The following FGF18 variants were observed in gnomAD, a reference collection of about 807,000 sequenced individuals.
FGF18 encodes the protein fibroblast growth factor 18.
In FGF18, 5 loss-of-function variants were observed where a neutral mutation model predicts 23.0. The observed-to-expected ratio is 0.22, with a 90% CI of 0.11 to 0.46. The LOEUF is 0.46. FGF18 is among the 20% of genes least tolerant of loss of function. The pLI, the probability that FGF18 is intolerant of heterozygous loss-of-function variation, is 0.99. For synonymous variants in FGF18, 117 were observed against 118.9 expected (o/e 0.98, Z 0.10); for missense variants, 180 against 291.6 (o/e 0.62, Z 2.79).
At chr5:171,452,898 G>A (rs759064418) in intron 4 of FGF18, among the ~76,000 whole-genome samples, 11 of 152,112 alleles carry the variant, frequency 7.2e-5, no homozygotes, top group Non-Finnish European at 1.5e-4. Context: ...ACAGTCCAGG[G>A]GGTAGTTCTA....
chr5:171,445,539 T>C (rs1045169107), intron 3 of FGF18, among the ~76,000 whole-genome samples: 5 of 151,768 alleles, frequency 3.3e-5, no homozygotes, highest in Admixed American at 1.3e-4. Flanking sequence ...TTGTGGTTTT[T>C]TTTTTTAGTA....
At position 171,449,252 on chromosome 5, in the gene FGF18, A is replaced by T; in HGVS notation, c.356A>T (p.Lys119Met). Residue 119 changes from lysine to methionine, a missense_variant and splice_region_variant, in exon 4 of 5, where the codon AAG becomes ATG. By Grantham distance (95) the Lys-to-Met change is moderately conservative. Around this residue, in one of 3 missense-constraint regions of FGF18, gnomAD observed 83 missense variants for 190.4 expected, o/e 0.44. Coordinates refer to ENST00000274625, the MANE Select transcript of FGF18 (RefSeq NM_003862.3). ...AACCGCAAAGGCAAGCTCGTGGGGA[A>T]GGTGAGTGATGGTTTGGGATTCCCG... ...CMNRKGKLVG[K>M]PDGTSKECVF... is the part of the protein sequence containing the mutation. 1 of 1,612,028 alleles carries T rather than the reference A, an allele frequency of 6.2e-7. No homozygotes were observed. Among genetic ancestry groups the T allele is most frequent in the Non-Finnish European group, 8.5e-7 (1 of 1,178,176 alleles).
At chr5:171,425,525 TGTGC>T (rs1772076859) in intron 2 of FGF18, among the ~76,000 whole-genome samples, 1 of 123,844 alleles carries the variant, frequency 8.1e-6, no homozygotes, top group African/African-American at 3.1e-5. Context: ...CTGGCCGCCA[TGTGC>T]TTTTTTTTTT....
At chr5:171,420,361 C>T (rs1334039736) in intron 1 of FGF18, 46 bp from the exon 2 acceptor site, 1 of 1,611,316 alleles carries the variant, frequency 6.2e-7, no homozygotes. Context: ...TCCGTGCGCC[C>T]CCTTCCTCAG....
rs147527414 is a variant in FGF18, at chr5:171,455,023, A to G, written c.358-1516A>G. 2.4e-4 allele frequency among the ~76,000 whole-genome samples: 36 copies of G among 152,332 alleles called. No homozygotes were observed. In the East Asian group the frequency reaches 6.0e-3, roughly 25 times the overall value. ...CAAGCTCCTACTGTGTGTCAGATTCATTTATAAGCATCACTCCTACAGTGT... is the reference window on the plus strand; with the variant it reads ...CAAGCTCCTACTGTGTGTCAGATTCGTTTATAAGCATCACTCCTACAGTGT... On this transcript the variant is annotated intron_variant, in intron 4 of 4. Transcript: ENST00000274625.
At chr5:171,445,534 GT>G (rs140690032) in intron 3 of FGF18, among the ~76,000 whole-genome samples, 30 of 146,564 alleles carry the variant, frequency 2.0e-4, no homozygotes, top group East Asian at 1.8e-3. Context: ...AATTTTTGTG[GT>G]TTTTTTTTTT....
chr5:171,423,265 TCTC>T (rs1772044011), intron 2 of FGF18, among the ~76,000 whole-genome samples: 1 of 152,138 alleles, frequency 6.6e-6, no homozygotes, highest in Non-Finnish European at 1.5e-5. Flanking sequence ...CTTCATCCCT[TCTC>T]CACACGACTC....
At chr5:171,449,359 C>CGGTGTG (rs1772459789) in intron 4 of FGF18, 106 bp downstream of exon 4, 1 of 246,434 alleles carries the variant, frequency 4.1e-6, no homozygotes, top group Non-Finnish European at 7.8e-6. Flanking sequence ...GGAAAACAGG[C>CGGTGTG]CGTGTGTGTG....
intron 3 of FGF18, among the ~76,000 whole-genome samples, chr5:171,441,004 A>G (rs1772334160): frequency 6.6e-6 from 1 of 152,206 alleles, no homozygotes; most frequent in Admixed American, 6.5e-5. Flanking sequence ...GCCCCTTTAA[A>G]TGTGGCTAGA....
At chr5:171,437,597 C>T (rs550561726) in intron 3 of FGF18, among the ~76,000 whole-genome samples, 18 of 152,200 alleles carry the variant, frequency 1.2e-4, no homozygotes, top group African/African-American at 2.9e-4. Flanking sequence ...CTCCCTCCTT[C>T]GGACCACAGC....
In FGF18 at chr5:171,440,549, A is replaced by G. The variant is rs892073981; in HGVS notation, c.250+4276A>G. On this transcript the variant is annotated intron_variant, in intron 3 of 4. Coordinates refer to ENST00000274625, the MANE Select transcript of FGF18 (RefSeq NM_003862.3). This position sits in a 1 kb window ranked among gnomAD's most constrained non-coding sequence, Gnocchi z 4.0. ...GTGACATGCCTCGTCCCAGCCATCA[A>G]AGAGCCTTCAGTCTAGGGCCCCCAT... Among the ~76,000 whole-genome samples, 1 of 152,106 alleles carries G rather than the reference A, an allele frequency of 6.6e-6. No homozygotes were observed. The highest frequency in any genetic ancestry group is 6.5e-5 in the Admixed American group (1 of 15,270).
intron 3 of FGF18, among the ~76,000 whole-genome samples, chr5:171,445,435 T>G (rs1772404807): frequency 6.6e-6 from 1 of 152,176 alleles, no homozygotes; most frequent in African/African-American, 2.4e-5. Flanking sequence ...CTCGGCTCAC[T>G]GCAAACTCTG....
chr5:171,448,702 G>A (rs561208142), intron 3 of FGF18, among the ~76,000 whole-genome samples: 1 of 152,070 alleles, frequency 6.6e-6, no homozygotes, highest in Non-Finnish European at 1.5e-5. Context: ...TGGGAGAATG[G>A]CCTTTTTGTA....
chr5:171,430,806 AAAAAAAAAAAG>A (rs1772170939), intron 2 of FGF18, among the ~76,000 whole-genome samples: 2 of 141,292 alleles, frequency 1.4e-5, no homozygotes, highest in Non-Finnish European at 3.1e-5. Context: ...AAAAAAAAAA[AAAAAAAAAAAG>A]AAAAAAGAGT....
At chr5:171,453,676 G>T (rs1375634922) in intron 4 of FGF18, among the ~76,000 whole-genome samples, 2 of 152,202 alleles carry the variant, frequency 1.3e-5, no homozygotes, top group Non-Finnish European at 2.9e-5. Flanking sequence ...AGAAGAGGAT[G>T]AAATGCAGTA....
At chr5:171,431,816 T>A (rs530646436) in intron 2 of FGF18, among the ~76,000 whole-genome samples, 2 of 152,208 alleles carry the variant, frequency 1.3e-5, no homozygotes, top group South Asian at 2.1e-4. Flanking sequence ...CCCAGCACTT[T>A]GGGAGGCCGA....
intron 2 of FGF18, among the ~76,000 whole-genome samples, chr5:171,426,251 C>T (rs554939343): frequency 4.6e-5 from 7 of 152,282 alleles, no homozygotes; most frequent in Admixed American, 2.6e-4. Flanking sequence ...GCCCCCTGCC[C>T]GCCCCCATCA....
rs201040173 is a variant in FGF18 at position 171,456,828 on chromosome 5, G to T, written c.*23G>T. On this transcript the variant is annotated 3_prime_UTR_variant, in exon 5 of 5. Coordinates refer to ENST00000274625, the MANE Select transcript of FGF18 (RefSeq NM_003862.3). The surrounding 1 kb of genome is among the most constrained non-coding windows in gnomAD (Gnocchi z 6.1). ...TAGGCCACCCCGCCGCGGCCCCTCA[G>T]GTCGCCCTGGCCACACTCACACTCC... The T allele has an allele frequency of 8.8e-6, 14 of 1,594,118 alleles. No individual in the cohort carries two copies. The East Asian group carries it at 2.9e-4, about 33-fold the overall frequency.
At chr5:171,421,377 A>G (rs1772004599) in intron 2 of FGF18, among the ~76,000 whole-genome samples, 1 of 152,162 alleles carries the variant, frequency 6.6e-6, no homozygotes, top group Non-Finnish European at 1.5e-5. Context: ...CAGCTCCCCA[A>G]GCCCCCACCC....
Sources: allele counts gnomAD v4.1 joint callset (sites outside exome capture counted in the v4.1 genomes callset), GRCh38; gene constraint gnomAD v4.1.1; regional missense constraint gnomAD v4.1.1; non-coding constraint Gnocchi (gnomAD v3.1); transcripts MANE v1.5; gene names NCBI Gene and HGNC (gene_info 2026-07-23, HGNC 2026-07-21).